CCDC144A: variants seen among roughly 807,000 people sequenced by gnomAD.
CCDC144A encodes coiled-coil domain-containing protein 144A.
Under a neutral mutation model 143.8 loss-of-function variants are expected in CCDC144A, and 41 were observed. That is an observed-to-expected ratio of 0.29 (90% CI 0.22 to 0.37). CCDC144A has a LOEUF of 0.37. CCDC144A is among the 10% of genes least tolerant of loss of function. The pLI, the probability that CCDC144A is intolerant of heterozygous loss-of-function variation, is 1.00. For missense variants in CCDC144A, 637 were observed against 1,488.8 expected (o/e 0.43, Z 9.41); for synonymous variants, 242 against 517.9 (o/e 0.47, Z 7.23).
At chr17:16,678,280 A>C in the CCDC144A span, among the ~76,000 whole-genome samples, 1 of 152,082 alleles carries the variant, frequency 6.6e-6, no homozygotes, top group Non-Finnish European at 1.5e-5. Context: ...AAGACTGGAA[A>C]TAAAGGAAAA....
intron 8 of CCDC144A, among the ~76,000 whole-genome samples, chr17:16,722,848 A>T (rs1227004306): frequency 6.6e-6 from 1 of 152,080 alleles, no homozygotes; most frequent in Non-Finnish European, 1.5e-5. Flanking sequence ...TTCTCATGGC[A>T]TGATAGCTCA....
intron 12 of CCDC144A, among the ~76,000 whole-genome samples, chr17:16,756,425 G>A (rs1257086036): frequency 6.6e-6 from 1 of 151,358 alleles, no homozygotes; most frequent in Non-Finnish European, 1.5e-5. Context: ...TTTATTTTAT[G>A]TATTGAATTC....
intron 12 of CCDC144A, chr17:16,737,459 C>T (rs931913293): frequency 1.6e-5 from 20 of 1,264,506 alleles, no homozygotes; most frequent in Admixed American, 4.9e-5. Context: ...AGCCACCGCG[C>T]CCGGCCAGAG....
rs570812789 is a variant in CCDC144A at position 16,738,796 on chromosome 17, T to G, written c.3372+3153T>G. ...TGTTTGTATATGTATTCCTTTCTCT[T>G]GGGTATATACATATGAGTTGAATTT... On this transcript the variant is annotated intron_variant, in intron 12 of 16. Transcript: ENST00000399273. Among the ~76,000 whole-genome samples, 208 of 152,232 alleles carry G rather than the reference T, an allele frequency of 1.4e-3. 1 individual carries two copies. The highest frequency in any genetic ancestry group is 1.5e-4 in the Non-Finnish European group (10 of 68,006).
At chr17:16,693,623 G>T (rs951674644) in intron 2 of CCDC144A, among the ~76,000 whole-genome samples, 2 of 152,126 alleles carry the variant, frequency 1.3e-5, no homozygotes, top group Non-Finnish European at 2.9e-5. Context: ...CCAAGAAAAA[G>T]ATATTTTTGA....
Position 16,751,721 on chromosome 17 carries a change from C to T in CCDC144A, c.3373-9704C>T, listed in dbSNP as rs541344027. On this transcript the variant is annotated intron_variant, in intron 12 of 16. Coordinates refer to ENST00000399273, the MANE Select transcript of CCDC144A (RefSeq NM_001382000.1). ...CAGAGCAGGTTGTAGAGTATGTCTG[C>T]GGATCTGCGGGTCGTCTGTTGATAT... Among the ~76,000 whole-genome samples, 422 of 152,320 alleles carry T rather than the reference C, an allele frequency of 2.8e-3. 2 individuals are homozygous for T. Among genetic ancestry groups the T allele is most frequent in the African/African-American group, 9.9e-3 (410 of 41,572 alleles).
rs1380263528 is a variant in CCDC144A at position 16,764,160 on chromosome 17, G to C, written c.4083G>C (p.Glu1361Asp). 1.2e-6 allele frequency: 2 copies of C among 1,603,316 alleles called. No homozygotes were observed. Among genetic ancestry groups the C allele is most frequent in the Admixed American group, 1.7e-5 (1 of 57,440 alleles). The change falls in exon 15 of 17, where the codon GAG becomes GAC. Residue 1361 changes from glutamate to aspartate, a missense_variant. Transcript: ENST00000399273. ...AGAGGTCTGCTCTTAAGGACATGGA[G>C]AGCTACTTGTTGAAGGTTAGCTATC... ...RKKRSALKDMESYLLKMQQKL... is the reference protein window; with the variant it reads ...RKKRSALKDMDSYLLKMQQKL...
intron 12 of CCDC144A, among the ~76,000 whole-genome samples, chr17:16,755,807 C>G (rs4003848): frequency 4.6e-5 from 7 of 152,232 alleles, no homozygotes; most frequent in Non-Finnish European, 8.8e-5. Flanking sequence ...GCAATCCCCC[C>G]ACCTTGGCCT....
intron 12 of CCDC144A, among the ~76,000 whole-genome samples, chr17:16,757,484 G>A (rs1374782981): frequency 6.6e-6 from 1 of 152,246 alleles, no homozygotes; most frequent in African/African-American, 2.4e-5. Flanking sequence ...CTGGGTAAAG[G>A]CACAGAGGCC....
At chr17:16,705,822 G>C in intron 3 of CCDC144A, 1 of 222,446 alleles carries the variant, frequency 4.5e-6, no homozygotes, top group South Asian at 6.4e-5. Flanking sequence ...TCCCACACCT[G>C]TAATCTCAGC....
chr17:16,690,602 G>T lies in CCDC144A; in HGVS notation c.202G>T (p.Ala68Ser). 1.9e-6 allele frequency: 3 copies of T among 1,613,662 alleles called. No individual in the cohort carries two copies. The highest frequency in any genetic ancestry group is 2.5e-6 in the Non-Finnish European group (3 of 1,179,864). Reference protein sequence around the residue: ...VGSESKHGEGALDQPQHDVRL... With the variant: ...VGSESKHGEGSLDQPQHDVRL... ...CAGCGAGAGCAAGCACGGTGAGGGC[G>T]CCTTAGACCAGCCCCAGCACGACGT... The change falls in exon 1 of 17, where the codon GCC becomes TCC. Residue 68 changes from alanine (A) to serine (S), a missense_variant. Transcript: ENST00000399273.
intron 8 of CCDC144A, among the ~76,000 whole-genome samples, chr17:16,724,653 A>C (rs894330681): frequency 1.3e-5 from 2 of 151,694 alleles, no homozygotes; most frequent in Non-Finnish European, 2.9e-5. Context: ...TTTATCACTT[A>C]TTGAGTAAGT....
At chr17:16,690,163 C>T (rs1910956808), upstream of CCDC144A, 1 of 365,336 alleles carries the variant, frequency 2.7e-6, no homozygotes, top group African/African-American at 2.1e-5. Context: ...GCTGCAGATG[C>T]AGTGAAGTCA....
chr17:16,762,884 A>G (rs1915438876), intron 14 of CCDC144A, among the ~76,000 whole-genome samples: 1 of 146,850 alleles, frequency 6.8e-6, no homozygotes, highest in African/African-American at 2.7e-5. Context: ...AGACAGTGAT[A>G]CCATTATAAA....
At chr17:16,748,494 A>G (rs554028346) in intron 12 of CCDC144A, among the ~76,000 whole-genome samples, 1 of 152,200 alleles carries the variant, frequency 6.6e-6, no homozygotes, top group African/African-American at 2.4e-5. Context: ...TTGTTTGCTG[A>G]TATTTTATTG....
chr17:16,749,433 G>A (rs922334650), intron 12 of CCDC144A, among the ~76,000 whole-genome samples: 8 of 152,012 alleles, frequency 5.3e-5, no homozygotes, highest in African/African-American at 1.9e-4. Flanking sequence ...TATTTTTATT[G>A]CACTGTGGTC....
At chr17:16,695,441 CA>C (rs1293039101) in intron 2 of CCDC144A, 1 of 151,324 alleles carries the variant, frequency 6.6e-6, no homozygotes, top group Admixed American at 6.6e-5. Context: ...TTTTAAAAAA[CA>C]ATAAAACATT....
the CCDC144A span, among the ~76,000 whole-genome samples, chr17:16,669,967 G>T: frequency 1.3e-5 from 2 of 152,126 alleles, no homozygotes; most frequent in Admixed American, 1.3e-4. Context: ...TGGATAATGA[G>T]ATCAGGAGTT....
chr17:16,704,324 A>G (rs1012083208), intron 2 of CCDC144A, among the ~76,000 whole-genome samples: 11 of 152,068 alleles, frequency 7.2e-5, no homozygotes, highest in Non-Finnish European at 1.3e-4. Flanking sequence ...GCGTAGTGGC[A>G]GGCGGCTGTA....
Sources: gnomAD v4.1 joint callset for allele counts (sites outside exome capture counted in the v4.1 genomes callset) on GRCh38, gnomAD v4.1.1 for gene constraint, MANE v1.5 for transcripts, NCBI Gene and HGNC (gene_info 2026-07-23, HGNC 2026-07-21) for gene names.